PCDHGB4: variants seen among roughly 807,000 people sequenced by gnomAD.
PCDHGB4 encodes the protein protocadherin gamma-B4.
A neutral mutation model predicts 60.5 loss-of-function variants in PCDHGB4; 38 were observed. The ratio of observed to expected loss-of-function variants is 0.63; its 90% confidence interval spans 0.48 to 0.82. The LOEUF (loss-of-function observed/expected upper bound fraction) is 0.82, where lower values mean the gene tolerates loss of function less well. Among genes scored for constraint, PCDHGB4 ranks in the 40% least tolerant of loss-of-function variants. PCDHGB4 has a pLI of 0.00. For synonymous variants in PCDHGB4, 456 were observed against 509.7 expected (o/e 0.89, Z 1.42); for missense variants, 1,109 against 1,209.6 (o/e 0.92, Z 1.23).
At chr5:141,438,053 C>T (rs1023159995) in intron 1 of PCDHGB4, among the ~76,000 whole-genome samples, 2 of 152,112 alleles carry the variant, frequency 1.3e-5, no homozygotes, top group African/African-American at 4.8e-5. Context: ...TTTGAGTTCA[C>T]TTTTAAGAAA....
At position 141,490,346 on chromosome 5, in the gene PCDHGB4, T is replaced by G. The variant is rs1396321935; in HGVS notation, c.2398-4461T>G. 1.2e-6 allele frequency: 2 copies of G among 1,614,046 alleles called. No individual in the cohort carries two copies. Among genetic ancestry groups the G allele is most frequent in the African/African-American group, 2.7e-5 (2 of 74,900 alleles). ...GAGAGCACACCAGTGGGCACAGTAG[T>G]GGGGTTGTTTAATGTGCGAGACCGG... On this transcript the variant is annotated intron_variant, in intron 1 of 3. Coordinates refer to ENST00000519479, the MANE Select transcript of PCDHGB4 (RefSeq NM_003736.4). This position sits in a 1 kb window ranked among gnomAD's most constrained non-coding sequence, Gnocchi z 5.4.
rs769153122 is a variant in PCDHGB4 at position 141,485,243 on chromosome 5, C to T, written c.2398-9564C>T. 8 of 1,614,062 alleles carry T rather than the reference C, an allele frequency of 5.0e-6. No homozygotes were observed. In the Admixed American group the frequency reaches 1.2e-4, roughly 24 times the overall value. ...TACCCTTTTGTTCCTCTTTTACCACCTGGGTTACGTTTGTGGGCAGATCCG... is the reference window on the plus strand; with the variant it reads ...TACCCTTTTGTTCCTCTTTTACCACTTGGGTTACGTTTGTGGGCAGATCCG... On this transcript the variant is annotated intron_variant, in intron 1 of 3. Transcript: ENST00000519479. The surrounding 1 kb of genome is among the most constrained non-coding windows in gnomAD (Gnocchi z 5.7).
At position 141,409,547 on chromosome 5, in the gene PCDHGB4, G is replaced by T. The variant is rs760802690; in HGVS notation, c.2397+19266G>T. Reference sequence around the variant, plus strand: ...GTATGTCGCTGACATCAACGACAACGCCCCAGTTTTCGACCAGACGTCCTA... The same window carrying T: ...GTATGTCGCTGACATCAACGACAACTCCCCAGTTTTCGACCAGACGTCCTA... On this transcript the variant is annotated intron_variant, in intron 1 of 3. Coordinates refer to ENST00000519479, the MANE Select transcript of PCDHGB4 (RefSeq NM_003736.4). The T allele has an allele frequency of 2.4e-5, 39 of 1,613,818 alleles. No individual in the cohort carries two copies. The highest frequency in any genetic ancestry group is 3.1e-5 in the Non-Finnish European group (36 of 1,179,900).
intron 1 of PCDHGB4, chr5:141,390,739 A>G (rs1459430005): frequency 5.6e-6 from 1 of 178,034 alleles, no homozygotes; most frequent in Non-Finnish European, 1.2e-5. Context: ...TATGGTCTCC[A>G]TAGTAGTCCA....
At chr5:141,415,055 C>G in intron 1 of PCDHGB4, 2 of 1,613,402 alleles carry the variant, frequency 1.2e-6, no homozygotes, top group East Asian at 2.2e-5. Flanking sequence ...GGGGAGCACA[C>G]GGGCGAGGTG....
chr5:141,486,659 G>A lies in PCDHGB4; in HGVS notation c.2398-8148G>A, dbSNP rs758578821. The stretch of plus-strand genomic sequence containing the variant: ...TGCGCTTATCTCCTACTCACTCCTG[G>A]AGCCCAGGAATCGAGATGTATCAGC... On this transcript the variant is annotated intron_variant, in intron 1 of 3. Transcript: ENST00000519479. This position sits in a 1 kb window ranked among gnomAD's most constrained non-coding sequence, Gnocchi z 5.0. 5.0e-6 allele frequency: 8 copies of A among 1,613,944 alleles called. No homozygotes were observed. Among genetic ancestry groups the A allele is most frequent in the Middle Eastern group, 1.6e-4 (1 of 6,062 alleles).
rs1175280816 is a variant in PCDHGB4 at position 141,511,121 on chromosome 5, C to T, written c.2720C>T (p.Pro907Leu). 2 of 1,614,102 alleles carry T rather than the reference C, an allele frequency of 1.2e-6. No homozygotes were observed. Among genetic ancestry groups the T allele is most frequent in the African/African-American group, 1.3e-5 (1 of 74,938 alleles). Residue 907 changes from proline (P) to leucine (L), a missense_variant, in exon 4 of 4, where the codon CCA becomes CTA. This residue lies in a region of PCDHGB4 where 1,068 missense variants were observed against 1,089.9 expected (regional missense o/e 0.98). Transcript: ENST00000519479. ...GCTGGCAAGCGGGATGGCAAGGCCCCAGCAGGTGGCAATGGCAACAAGAAG... is the reference window on the plus strand; with the variant it reads ...GCTGGCAAGCGGGATGGCAAGGCCCTAGCAGGTGGCAATGGCAACAAGAAG... ...NAAGKRDGKA[P>L]AGGNGNKKKS...
intron 2 of PCDHGB4, among the ~76,000 whole-genome samples, chr5:141,501,290 TACACACACACACACACACACAC>T (rs55762287): frequency 1.4e-4 from 19 of 136,248 alleles, no homozygotes; most frequent in Admixed American, 1.1e-3. Context: ...TATTCCCTTA[TACACACACACACACACACACAC>T]ACACACACAC....
At chr5:141,403,616 C>G (rs2094434764) in intron 1 of PCDHGB4, 11 of 1,613,892 alleles carry the variant, frequency 6.8e-6, no homozygotes, top group Non-Finnish European at 9.3e-6. Flanking sequence ...CGAGCCGCGT[C>G]GCTCCAGCAC....
chr5:141,413,832 C>T, intron 1 of PCDHGB4: 1 of 1,613,228 alleles, frequency 6.2e-7, no homozygotes. Context: ...TCACCGCCTC[C>T]GACGGGGGTG....
rs147783721 is a variant in PCDHGB4 at position 141,404,989 on chromosome 5, G to T, written c.2397+14708G>T. ...TCCTGGCTGACCTGGGCAGTCTTCAGATCCCTGCAGACCTGGAGGCCTCAG... is the reference window on the plus strand; with the variant it reads ...TCCTGGCTGACCTGGGCAGTCTTCATATCCCTGCAGACCTGGAGGCCTCAG... On this transcript the variant is annotated intron_variant, in intron 1 of 3. Transcript: ENST00000519479. 1.6e-5 allele frequency: 26 copies of T among 1,614,046 alleles called. No individual in the cohort carries two copies. In the Admixed American group the frequency reaches 4.0e-4, roughly 25 times the overall value.
intron 1 of PCDHGB4, among the ~76,000 whole-genome samples, chr5:141,429,781 A>G (rs2097245343): frequency 1.3e-5 from 2 of 152,186 alleles, no homozygotes; most frequent in Non-Finnish European, 2.9e-5. Context: ...TGGGCTTCCA[A>G]AAGTATTACC....
chr5:141,409,183 C>G (rs1217234895), intron 1 of PCDHGB4: 6 of 1,614,028 alleles, frequency 3.7e-6, no homozygotes, highest in Non-Finnish European at 5.1e-6. Context: ...GAGGTGGTCT[C>G]TCTACCCAGT....
chr5:141,509,224 T>G (rs1241668369), intron 3 of PCDHGB4, among the ~76,000 whole-genome samples: 3 of 152,176 alleles, frequency 2.0e-5, no homozygotes, highest in Non-Finnish European at 2.9e-5. Flanking sequence ...AATCCCTGGT[T>G]GATGTCCCAG....
Position 141,477,912 on chromosome 5 carries a change from A to T in PCDHGB4, c.2398-16895A>T. The T allele has an allele frequency of 6.2e-7, 1 of 1,614,166 alleles. No individual in the cohort carries two copies. Among genetic ancestry groups the T allele is most frequent in the Non-Finnish European group, 8.5e-7 (1 of 1,180,022 alleles). ...TCACGGGTGGTAGGCTGGGACGCGGATGCAGGGCACAATGCCTGGCTCTCC... is the reference window on the plus strand; with the variant it reads ...TCACGGGTGGTAGGCTGGGACGCGGTTGCAGGGCACAATGCCTGGCTCTCC... On this transcript the variant is annotated intron_variant, in intron 1 of 3. Coordinates refer to ENST00000519479, the MANE Select transcript of PCDHGB4 (RefSeq NM_003736.4). This position sits in a 1 kb window ranked among gnomAD's most constrained non-coding sequence, Gnocchi z 4.9.
intron 1 of PCDHGB4, among the ~76,000 whole-genome samples, chr5:141,481,731 A>G (rs1339022274): frequency 6.6e-6 from 1 of 152,060 alleles, no homozygotes; most frequent in African/African-American, 2.4e-5. Context: ...AGGCGGGCGG[A>G]TCACGAGGTC....
chr5:141,401,672 T>A (rs1468956975), intron 1 of PCDHGB4, among the ~76,000 whole-genome samples: 1 of 152,222 alleles, frequency 6.6e-6, no homozygotes, highest in African/African-American at 2.4e-5. Context: ...CTCAACATCC[T>A]TGTAGGATGG....
intron 2 of PCDHGB4, among the ~76,000 whole-genome samples, chr5:141,496,186 G>A (rs879940448): frequency 2.0e-5 from 3 of 152,018 alleles, no homozygotes; most frequent in Non-Finnish European, 4.4e-5. Flanking sequence ...AGCAGCCCCA[G>A]CTGCTCATTT....
intron 1 of PCDHGB4, chr5:141,392,442 A>C (rs1355396676): frequency 1.2e-5 from 2 of 161,844 alleles, no homozygotes; most frequent in East Asian, 3.6e-4. Context: ...TGTTTCTTTT[A>C]AAATATGGGT....
Sources: allele counts gnomAD v4.1 joint callset (sites outside exome capture counted in the v4.1 genomes callset), GRCh38; gene constraint gnomAD v4.1.1; regional missense constraint gnomAD v4.1.1; non-coding constraint Gnocchi (gnomAD v3.1); transcripts MANE v1.5; gene names NCBI Gene and HGNC (gene_info 2026-07-23, HGNC 2026-07-21).